IFT122: variants seen among roughly 807,000 people sequenced by gnomAD.
The protein encoded by IFT122 is intraflagellar transport 122.
In IFT122, 118 loss-of-function variants were observed where a neutral mutation model predicts 161.6. The ratio of observed to expected loss-of-function variants is 0.73; its 90% CI spans 0.63 to 0.85. IFT122 has a LOEUF of 0.85. IFT122 is among the 40% of genes least tolerant of loss of function. IFT122 has a pLI of 0.00. For missense variants in IFT122, 1,381 were observed against 1,579.6 expected (o/e 0.87, Z 2.13); for synonymous variants, 550 against 602.4 (o/e 0.91, Z 1.27).
chr3:129,469,519 C>A, intron 9 of IFT122, 102 bp downstream of exon 9: 1 of 920,486 alleles, frequency 1.1e-6, no homozygotes, highest in Non-Finnish European at 1.8e-6. Flanking sequence ...TTAGTTCCTG[C>A]TTATTGAGCA....
At chr3:129,518,087 C>T (rs1259399018) in intron 27 of IFT122, among the ~76,000 whole-genome samples, 1 of 152,268 alleles carries the variant, frequency 6.6e-6, no homozygotes, top group Non-Finnish European at 1.5e-5. Flanking sequence ...CAGGCTGGCT[C>T]TGCCTCTCTT....
At chr3:129,475,240 G>T (rs896126061) in intron 9 of IFT122, among the ~76,000 whole-genome samples, 4 of 152,132 alleles carry the variant, frequency 2.6e-5, no homozygotes, top group African/African-American at 9.7e-5. Flanking sequence ...GAGATAATTC[G>T]CACTCACTAA....
At chr3:129,511,662 C>CGAA (rs1560005096) in intron 23 of IFT122, among the ~76,000 whole-genome samples, 1 of 152,220 alleles carries the variant, frequency 6.6e-6, no homozygotes, top group Non-Finnish European at 1.5e-5. Flanking sequence ...CCTCTAGGTA[C>CGAA]GAAGACCAAT....
At chr3:129,510,985 A>C (rs2082752721) in intron 23 of IFT122, among the ~76,000 whole-genome samples, 1 of 152,196 alleles carries the variant, frequency 6.6e-6, no homozygotes, top group Non-Finnish European at 1.5e-5. Flanking sequence ...GAGAGAATAA[A>C]AATGGGGCAA....
chr3:129,488,365 C>G lies in IFT122; in HGVS notation c.1960C>G (p.Leu654Val). The G allele has an allele frequency of 6.2e-7, 1 of 1,614,106 alleles. No homozygotes were observed. The highest frequency in any genetic ancestry group is 1.1e-5 in the South Asian group (1 of 91,074). Residue 654 changes from leucine (L) to valine (V), a missense_variant, in exon 16 of 30, where the codon CTA becomes GTA. Transcript: ENST00000348417. ...TDWRELAMEA[L>V]EGLDFETAKK... ...TTGGCGTGAACTGGCCATGGAAGCG[C>G]TAGAAGGTTTAGATTTTGAAACAGC... is the stretch of plus-strand genomic sequence containing the variant.
intron 15 of IFT122, 120 bp from the exon 16 acceptor site, chr3:129,488,137 G>C (rs1032273169): frequency 1.3e-6 from 2 of 1,563,008 alleles, no homozygotes; most frequent in Non-Finnish European, 1.8e-6. Flanking sequence ...GGCGGCTGCA[G>C]GGCTGCTCCC....
chr3:129,473,928 T>C (rs559164626), intron 9 of IFT122, among the ~76,000 whole-genome samples: 1 of 138,340 alleles, frequency 7.2e-6, no homozygotes, highest in South Asian at 2.3e-4. Flanking sequence ...TTTATTGTTG[T>C]TACTTTGTGG....
chr3:129,499,331 G>A (rs573791382), intron 18 of IFT122, among the ~76,000 whole-genome samples: 1 of 152,310 alleles, frequency 6.6e-6, no homozygotes, highest in South Asian at 2.1e-4. Flanking sequence ...GTGACTCAGA[G>A]AGGGCATGGA....
chr3:129,478,839 A>G (rs2078287695), intron 12 of IFT122, among the ~76,000 whole-genome samples: 1 of 152,224 alleles, frequency 6.6e-6, no homozygotes, highest in South Asian at 2.1e-4. Context: ...CAGAATGAAG[A>G]TAGTTTTTAT....
At chr3:129,491,455 G>A (rs921066224) in intron 16 of IFT122, among the ~76,000 whole-genome samples, 2 of 152,196 alleles carry the variant, frequency 1.3e-5, no homozygotes, top group African/African-American at 4.8e-5. Flanking sequence ...CAGTCTGCTT[G>A]TTCCTCAGAA....
chr3:129,443,193 A>G (rs1211123458), intron 1 of IFT122, among the ~76,000 whole-genome samples: 5 of 152,262 alleles, frequency 3.3e-5, no homozygotes, highest in Admixed American at 3.3e-4. Flanking sequence ...ATGAGGTGAC[A>G]TAAGTTACCT....
rs1048298927 is a variant in IFT122 at position 129,507,762 on chromosome 3, G to A, written c.2886G>A (p.Thr962=). The A allele has an allele frequency of 1.9e-6, 3 of 1,611,054 alleles. No homozygotes were observed. Residue 962 remains threonine (T), a splice_region_variant and synonymous_variant, in exon 23 of 30, where the codon ACG becomes ACA. Transcript: ENST00000348417. ...GTTACCATGCCATCCATCGCCACAC[G>A]GTAAGGTGGCTGGGTCACCAGCACC... ...YHGYHAIHRH[T]EDPFSVHRPE...
At chr3:129,497,261 C>T (rs1441310064) in intron 18 of IFT122, among the ~76,000 whole-genome samples, 3 of 151,984 alleles carry the variant, frequency 2.0e-5, no homozygotes, top group African/African-American at 7.2e-5. Flanking sequence ...GAGCAAGACC[C>T]ATGTCAAAAA....
chr3:129,492,270 G>A lies in IFT122; in HGVS notation c.2046+76G>A, dbSNP rs1457676261. 4.4e-6 allele frequency: 5 copies of A among 1,145,954 alleles called. No individual in the cohort carries two copies. The African/African-American group carries it at 6.2e-5, about 14-fold the overall frequency. 71.0% of individuals were successfully genotyped at this position (1,145,954 alleles called of 1,614,324 possible). ...GTTTTAGGGGCAGCCCTTCTAACAG[G>A]CAAGAGCCTTGAGGACATGGGAACA... On this transcript the variant is annotated intron_variant, in intron 17 of 29. Coordinates refer to ENST00000348417, the MANE Select transcript of IFT122 (RefSeq NM_052989.3).
At chr3:129,483,715 G>A (rs1293292062) in intron 15 of IFT122, 33 bp downstream of exon 15, 1 of 1,554,424 alleles carries the variant, frequency 6.4e-7, no homozygotes, top group Admixed American at 1.9e-5. Flanking sequence ...TCTTAGCACT[G>A]GCAAGGCTGA....
At chr3:129,515,725 T>C in intron 26 of IFT122, 126 bp downstream of exon 26, 5 of 828,542 alleles carry the variant, frequency 6.0e-6, no homozygotes, top group Non-Finnish European at 1.0e-5. Context: ...GTTTATGAAA[T>C]GAGGACACTC....
In IFT122 at chr3:129,477,961, C is replaced by A. The variant is rs374207985; in HGVS notation, c.1148-55C>A. The stretch of plus-strand genomic sequence containing the variant: ...AAATGATGGCTTTTAATTTCTCTGC[C>A]TTGCACCTTACATAACAACCTCTTG... On this transcript the variant is annotated intron_variant, in intron 11 of 29. Transcript: ENST00000348417. 1.2e-5 allele frequency: 18 copies of A among 1,453,998 alleles called. No individual in the cohort carries two copies. In the African/African-American group the frequency reaches 2.4e-4, roughly 19 times the overall value. 90.1% of individuals were successfully genotyped at this position (1,453,998 alleles called of 1,614,324 possible).
At chr3:129,456,382 T>C (rs527274130) in intron 3 of IFT122, 2 of 801,692 alleles carry the variant, frequency 2.5e-6, no homozygotes, top group East Asian at 6.5e-5. Flanking sequence ...CTCATGCTTG[T>C]GATCTCAGCA....
At chr3:129,450,647 C>A (rs2107907122) in intron 2 of IFT122, among the ~76,000 whole-genome samples, 1 of 149,218 alleles carries the variant, frequency 6.7e-6, no homozygotes, top group East Asian at 2.0e-4. Flanking sequence ...CATAGGTTAT[C>A]TTTTCCAATA....
Sources: allele counts gnomAD v4.1 joint callset (sites outside exome capture counted in the v4.1 genomes callset), GRCh38; gene constraint gnomAD v4.1.1; transcripts MANE v1.5; gene names NCBI Gene and HGNC (gene_info 2026-07-23, HGNC 2026-07-21).